Variants in CLTCL1 observed in about 807,000 individuals in gnomAD.
CLTCL1 encodes clathrin heavy chain 2.
A neutral mutation model predicts 190.0 loss-of-function variants in CLTCL1; 159 were observed. That is an observed-to-expected ratio of 0.84 (90% CI 0.74 to 0.95). CLTCL1 has a LOEUF of 0.95. CLTCL1 is among the 40% of genes least tolerant of loss of function. The pLI, the probability that CLTCL1 is intolerant of heterozygous loss-of-function variation, is 0.00. For missense variants in CLTCL1, 1,878 were observed against 2,033.4 expected (o/e 0.92, Z 1.47); for synonymous variants, 752 against 769.6 (o/e 0.98, Z 0.38).
At chr22:19,208,409 T>C in intron 21 of CLTCL1, 98 bp from the exon 22 acceptor site, 1 of 1,371,374 alleles carries the variant, frequency 7.3e-7, no homozygotes. Context: ...ACATTTACCC[T>C]CCAGTTATGT....
intron 30 of CLTCL1, 49 bp from the exon 31 acceptor site, chr22:19,180,855 C>A (rs778975309): frequency 1.3e-6 from 2 of 1,549,602 alleles, no homozygotes; most frequent in Admixed American, 1.7e-5. Context: ...GAGTGCAGTC[C>A]GGCCTCTAGG....
At chr22:19,207,760 G>C in intron 22 of CLTCL1, 1 of 528,226 alleles carries the variant, frequency 1.9e-6, no homozygotes, top group Non-Finnish European at 3.3e-6. Flanking sequence ...TTCTCACAGA[G>C]CACAAACCCT....
intron 6 of CLTCL1, 113 bp downstream of exon 6, chr22:19,235,583 A>G (rs1601605230): frequency 1.0e-6 from 1 of 980,696 alleles, no homozygotes; most frequent in East Asian, 2.4e-5. Flanking sequence ...TAAGTTTAAT[A>G]ACAGGAACTA....
At chr22:19,241,084 A>C (rs1250434570) in intron 4 of CLTCL1, among the ~76,000 whole-genome samples, 1 of 152,230 alleles carries the variant, frequency 6.6e-6, no homozygotes, top group East Asian at 1.9e-4. Context: ...GGGCCGCTCC[A>C]GGACAGGTAC....
At chr22:19,184,177 TC>T in intron 29 of CLTCL1, 1 of 271,576 alleles carries the variant, frequency 3.7e-6, no homozygotes, top group East Asian at 1.0e-4. Flanking sequence ...TTCTCTATTT[TC>T]TAGCTCCACA....
chr22:19,230,078 G>T, intron 10 of CLTCL1, 103 bp from the exon 11 acceptor site: 4 of 1,002,072 alleles, frequency 4.0e-6, no homozygotes, highest in South Asian at 4.0e-5. Flanking sequence ...TAGAAATTCA[G>T]CAATTAGTTC....
At chr22:19,257,806 T>C (rs782498873) in intron 2 of CLTCL1, 1 of 1,428,594 alleles carries the variant, frequency 7.0e-7, no homozygotes, top group Non-Finnish European at 9.3e-7. Context: ...GCCTCCTACC[T>C]GGACAGAGTG....
chr22:19,262,732 A>T (rs537507385), intron 2 of CLTCL1, among the ~76,000 whole-genome samples: 1 of 150,934 alleles, frequency 6.6e-6, no homozygotes, highest in Admixed American at 6.6e-5. Flanking sequence ...TCCACCAGTA[A>T]AAAGTTTACA....
chr22:19,217,664 A>C (rs1402302194), intron 18 of CLTCL1, among the ~76,000 whole-genome samples: 10 of 148,820 alleles, frequency 6.7e-5, no homozygotes, highest in Admixed American at 5.4e-4. Context: ...CCTGGCTAAC[A>C]TAGTGAAACC....
chr22:19,235,747 A>C lies in CLTCL1; in HGVS notation c.918T>G (p.Thr306=). Residue 306 remains threonine, a synonymous_variant, in exon 6 of 33, where the codon ACT becomes ACG. Coordinates refer to ENST00000427926, the MANE Select transcript of CLTCL1 (RefSeq NM_007098.4). ...NRISADTIFV[T]APHKPTSGII... ...TTCCAGAGGTTGGTTTGTGTGGAGC[A>C]GTGACAAATATTGTGTCAGCACTAA... The C allele has an allele frequency of 6.2e-7, 1 of 1,614,046 alleles. No homozygotes were observed.
rs1444618130 is a variant in CLTCL1, at chr22:19,268,815, C to G, written c.250+6808G>C. Reference sequence around the variant, plus strand: ...CAGTTTCTTAAAAAGCTAAACAGGGCCAGGTGCAGTGGCTCATGCCTGTAA... The same window carrying G: ...CAGTTTCTTAAAAAGCTAAACAGGGGCAGGTGCAGTGGCTCATGCCTGTAA... On this transcript the variant is annotated intron_variant, in intron 2 of 32. Transcript: ENST00000427926. 2.0e-5 allele frequency among the ~76,000 whole-genome samples: 3 copies of G among 152,136 alleles called. No individual in the cohort carries two copies. The East Asian group carries it at 5.8e-4, about 29-fold the overall frequency.
At chr22:19,188,417 AAC>A (rs1166629082) in intron 27 of CLTCL1, among the ~76,000 whole-genome samples, 1 of 152,208 alleles carries the variant, frequency 6.6e-6, no homozygotes, top group Non-Finnish European at 1.5e-5. Flanking sequence ...CTAAGTGTGT[AAC>A]AGCATTATGT....
intron 3 of CLTCL1, among the ~76,000 whole-genome samples, chr22:19,244,873 AT>A (rs1486217300): frequency 6.6e-6 from 1 of 152,236 alleles, no homozygotes; most frequent in Non-Finnish European, 1.5e-5. Flanking sequence ...GCCAGGCACC[AT>A]GCTAGGGGCC....
chr22:19,208,039 T>A, intron 22 of CLTCL1, 115 bp downstream of exon 22: 2 of 1,274,146 alleles, frequency 1.6e-6, no homozygotes, highest in Non-Finnish European at 2.2e-6. Flanking sequence ...GTGGAAAAAC[T>A]GTCTTCGATG....
chr22:19,263,848 T>C (rs1012812347), intron 2 of CLTCL1, among the ~76,000 whole-genome samples: 1 of 152,246 alleles, frequency 6.6e-6, no homozygotes, highest in Non-Finnish European at 1.5e-5. Context: ...TAACTCACTA[T>C]TGTAATATTC....
intron 22 of CLTCL1, 112 bp from the exon 23 acceptor site, chr22:19,201,605 A>G (rs1179480454): frequency 2.0e-5 from 23 of 1,177,520 alleles, no homozygotes; most frequent in Middle Eastern, 2.1e-4. Context: ...TAGGGTGGTA[A>G]GCATCTTTCT....
At chr22:19,200,771 G>A (rs1202017677) in intron 23 of CLTCL1, among the ~76,000 whole-genome samples, 1 of 152,202 alleles carries the variant, frequency 6.6e-6, no homozygotes, top group Non-Finnish European at 1.5e-5. Context: ...GAACCCGGGA[G>A]GCAGAGCTTG....
chr22:19,225,760 G>T, intron 12 of CLTCL1, 127 bp from the exon 13 acceptor site: 1 of 885,364 alleles, frequency 1.1e-6, no homozygotes. Context: ...CACATAAAGG[G>T]GTTGAAAAGC....
chr22:19,213,119 A>G (rs1418686351), intron 19 of CLTCL1, among the ~76,000 whole-genome samples: 1 of 152,230 alleles, frequency 6.6e-6, no homozygotes, highest in Non-Finnish European at 1.5e-5. Flanking sequence ...AACTCTGAAA[A>G]CTCAACAAAA....
Sources: gnomAD v4.1 joint callset for allele counts (sites outside exome capture counted in the v4.1 genomes callset) on GRCh38, gnomAD v4.1.1 for gene constraint, MANE v1.5 for transcripts, NCBI Gene and HGNC (gene_info 2026-07-23, HGNC 2026-07-21) for gene names.